SLC44A2: variants seen among roughly 807,000 people sequenced by gnomAD.
The protein encoded by SLC44A2 is choline transporter-like protein 2.
A neutral mutation model predicts 90.8 loss-of-function variants in SLC44A2; 57 were observed. The ratio of observed to expected loss-of-function variants is 0.63; its 90% CI spans 0.51 to 0.78. SLC44A2 has a LOEUF of 0.78. Ranked by LOEUF, SLC44A2 falls within the 30% of genes least tolerant of loss-of-function variation. SLC44A2 has a pLI of 0.00. For synonymous variants in SLC44A2, 355 were observed against 360.7 expected, an observed-to-expected ratio of 0.98 and a Z score of 0.18; for missense variants, 794 against 919.7, an observed-to-expected ratio of 0.86 and a Z score of 1.77.
At position 10,644,291 on chromosome 19, in the gene SLC44A2, C is replaced by G. The variant is rs1029382087; in HGVS notation, c.*906C>G. 1.3e-5 allele frequency: 2 copies of G among 152,690 alleles called. No homozygotes were observed. Among genetic ancestry groups the G allele is most frequent in the African/African-American group, 4.8e-5 (2 of 41,444 alleles). 9.5% of individuals were successfully genotyped at this position (152,690 alleles called of 1,614,324 possible). On this transcript the variant is annotated 3_prime_UTR_variant, in exon 22 of 22. Coordinates refer to ENST00000335757, the MANE Select transcript of SLC44A2 (RefSeq NM_020428.4). Reference sequence around the variant, plus strand: ...ACCGGGCCCCTCTGCCCACACACCTCACTTGATCCTTTTGCCAAACTTGTC... The same window carrying G: ...ACCGGGCCCCTCTGCCCACACACCTGACTTGATCCTTTTGCCAAACTTGTC...
At chr19:10,642,750 T>G (rs1599262915) in intron 21 of SLC44A2, 1 of 1,066,834 alleles carries the variant, frequency 9.4e-7, no homozygotes, top group Non-Finnish European at 1.3e-6. Context: ...CTAACTCTGG[T>G]CTCTCCATCT....
intron 1 of SLC44A2, among the ~76,000 whole-genome samples, chr19:10,605,943 G>T (rs1445776103): frequency 6.6e-6 from 1 of 151,604 alleles, no homozygotes; most frequent in African/African-American, 2.4e-5. Context: ...GCAGTGAGCT[G>T]AGATGGTGCC....
rs375428299 is a variant in SLC44A2 at position 10,630,940 on chromosome 19, G to A, written c.246-117G>A. 79 of 745,728 alleles carry A rather than the reference G, an allele frequency of 1.1e-4. 1 individual carries two copies. In the East Asian group the frequency reaches 1.9e-3, roughly 18 times the overall value. The allele number at this position is 745,728 out of a possible 1,614,324, so 46.2% of individuals were successfully genotyped here. ...GAATTGCTTGAACCCGGGAGGCGGA[G>A]GTTGCAGTGAGCCGAGATCACACCA... is the stretch of plus-strand genomic sequence containing the variant. On this transcript the variant is annotated intron_variant, in intron 4 of 21. Coordinates refer to ENST00000335757, the MANE Select transcript of SLC44A2 (RefSeq NM_020428.4).
In SLC44A2 at chr19:10,638,105, C is replaced by G. The variant is rs374028284; in HGVS notation, c.1840+12C>G. The G allele has an allele frequency of 8.0e-4, 1,283 of 1,613,822 alleles. 1 individual carries two copies. Among genetic ancestry groups the G allele is most frequent in the Non-Finnish European group, 1.0e-3 (1,226 of 1,179,962 alleles). ...CGTTGGTAGTGTGGGTGAGTGCCGC[C>G]CACCTAGCCTCTCGGGGTGTGGGAG... is the stretch of plus-strand genomic sequence containing the variant. On this transcript the variant is annotated intron_variant, in intron 19 of 21. Coordinates refer to ENST00000335757, the MANE Select transcript of SLC44A2 (RefSeq NM_020428.4).
intron 10 of SLC44A2, among the ~76,000 whole-genome samples, chr19:10,634,202 C>G (rs1420083400): frequency 7.9e-6 from 1 of 127,114 alleles, no homozygotes; most frequent in African/African-American, 3.0e-5. Context: ...GTTGGTCAGG[C>G]TGGTCTCGAA....
chr19:10,628,748 C>A (rs1339311540), intron 4 of SLC44A2, among the ~76,000 whole-genome samples: 2 of 152,086 alleles, frequency 1.3e-5, no homozygotes, highest in African/African-American at 2.4e-5. Context: ...ACAGGTGAGA[C>A]AACAGAGCAA....
chr19:10,613,171 C>T (rs753132207), intron 1 of SLC44A2, among the ~76,000 whole-genome samples: 1 of 152,112 alleles, frequency 6.6e-6, no homozygotes, highest in Non-Finnish European at 1.5e-5. Flanking sequence ...GATTCTCCCA[C>T]CTCAGCCTCC....
At chr19:10,610,270 C>T (rs1026532514) in intron 1 of SLC44A2, among the ~76,000 whole-genome samples, 9 of 151,246 alleles carry the variant, frequency 6.0e-5, no homozygotes, top group Non-Finnish European at 1.2e-4. Flanking sequence ...AATATCTTGT[C>T]CTTAACAGAA....
chr19:10,637,408 A>C, intron 16 of SLC44A2: 1 of 527,902 alleles, frequency 1.9e-6, no homozygotes, highest in East Asian at 3.3e-5. Flanking sequence ...TGGGGCTGGG[A>C]TTGATGGTAC....
intron 1 of SLC44A2, among the ~76,000 whole-genome samples, chr19:10,615,926 C>T (rs1258710351): frequency 6.6e-6 from 1 of 151,866 alleles, no homozygotes; most frequent in East Asian, 1.9e-4. Flanking sequence ...GCACTTTGGG[C>T]GGCCAAAGCG....
chr19:10,610,788 T>C (rs1918278250), intron 1 of SLC44A2, among the ~76,000 whole-genome samples: 1 of 150,334 alleles, frequency 6.7e-6, no homozygotes, highest in African/African-American at 2.4e-5. Flanking sequence ...TACAGGCATG[T>C]GCCACCATGC....
At position 10,636,569 on chromosome 19, in the gene SLC44A2, T is replaced by A. The variant is rs1200041015; in HGVS notation, c.1480T>A (p.Phe494Ile). ...DLPAFPLFSA[F>I]GRALRYHTGS... ...GCCGGCCTTCCCGCTCTTCTCTGCC[T>A]TTGGCCGGGCGCTCAGGTGGGCTGG... The change falls in exon 15 of 22, where the codon TTT (phenylalanine) becomes ATT (isoleucine). Residue 494 changes from phenylalanine to isoleucine, a missense_variant. By Grantham distance (21) the Phe-to-Ile change is conservative. Coordinates refer to ENST00000335757, the MANE Select transcript of SLC44A2 (RefSeq NM_020428.4). 6.2e-7 allele frequency: 1 copy of A among 1,605,536 alleles called. No homozygotes were observed.
At position 10,643,575 on chromosome 19, in the gene SLC44A2, T is replaced by C; in HGVS notation, c.*190T>C. 1.6e-6 allele frequency: 1 copy of C among 627,356 alleles called. No homozygotes were observed. The highest frequency in any genetic ancestry group is 2.6e-6 in the Non-Finnish European group (1 of 392,006). The allele number at this position is 627,356 out of a possible 1,614,324, so 38.9% of individuals were successfully genotyped here. On this transcript the variant is annotated 3_prime_UTR_variant, in exon 22 of 22. Transcript: ENST00000335757. ...ATCTCCTTCTTATGCCAAGGGGCGCTTGGAGTTTTCATGGCTGCCCCTCCA... is the reference window on the plus strand; with the variant it reads ...ATCTCCTTCTTATGCCAAGGGGCGCCTGGAGTTTTCATGGCTGCCCCTCCA...
At chr19:10,642,585 G>T (rs2067128788) in intron 21 of SLC44A2, 134 bp downstream of exon 21, 2 of 868,592 alleles carry the variant, frequency 2.3e-6, no homozygotes, top group East Asian at 5.2e-5. Flanking sequence ...CCTCGTCCTG[G>T]GTCCCCAGCC....
chr19:10,639,081 G>A (rs2058522441), intron 20 of SLC44A2, among the ~76,000 whole-genome samples: 1 of 151,876 alleles, frequency 6.6e-6, no homozygotes, highest in Non-Finnish European at 1.5e-5. Context: ...TTACAGGCGT[G>A]AACCACCACA....
chr19:10,636,731 C>CCGT lies in SLC44A2; in HGVS notation c.1566_1567insCGT (p.Leu522_Glu523insArg). The CCGT allele has an allele frequency of 6.2e-7, 1 of 1,613,882 alleles. No individual in the cohort carries two copies. The highest frequency in any genetic ancestry group is 8.5e-7 in the Non-Finnish European group (1 of 1,179,906). The stretch of plus-strand genomic sequence containing the variant: ...TTGTGCAGATCATCCGTGTGATACT[C>CCGT]GAGTACCTGGATCAGCGGCTGAAAG... On this transcript the variant is annotated inframe_insertion, in exon 16 of 22. Transcript: ENST00000335757.
intron 1 of SLC44A2, among the ~76,000 whole-genome samples, chr19:10,611,488 C>G (rs1464752790): frequency 6.6e-6 from 1 of 151,620 alleles, no homozygotes; most frequent in Non-Finnish European, 1.5e-5. Flanking sequence ...AAACAAGAGA[C>G]CCGGTGCAGT....
intron 1 of SLC44A2, among the ~76,000 whole-genome samples, chr19:10,617,945 ATGCTT>A (rs2066868579): frequency 6.6e-6 from 1 of 152,134 alleles, no homozygotes; most frequent in African/African-American, 2.4e-5. Flanking sequence ...GTATTCTCTT[ATGCTT>A]TCCCTTCATA....
Position 10,643,343 on chromosome 19 carries a change from G to A in SLC44A2, c.2079G>A (p.Lys693=). 6.2e-7 allele frequency: 1 copy of A among 1,612,970 alleles called. No individual in the cohort carries two copies. Among genetic ancestry groups the A allele is most frequent in the Admixed American group, 1.7e-5 (1 of 59,882 alleles). The change falls in exon 22 of 22, where the codon AAG becomes AAA. Residue 693 remains lysine (K), a synonymous_variant. Coordinates refer to ENST00000335757, the MANE Select transcript of SLC44A2 (RefSeq NM_020428.4). ...CTTACTTCATGTCTTCCACCCTCAA[G>A]AAACTCTTGAACAAGACCAACAAGA... ...ERPYFMSSTL[K]KLLNKTNKKA...
Sources: gnomAD v4.1 joint callset for allele counts (sites outside exome capture counted in the v4.1 genomes callset) on GRCh38, gnomAD v4.1.1 for gene constraint, MANE v1.5 for transcripts, NCBI Gene and HGNC (gene_info 2026-07-23, HGNC 2026-07-21) for gene names.